Variants in FAM135B observed in about 807,000 individuals in gnomAD.
FAM135B encodes protein FAM135B.
A neutral mutation model predicts 127.7 loss-of-function variants in FAM135B; 43 were observed. The ratio of observed to expected loss-of-function variants is 0.34; its 90% CI spans 0.26 to 0.43. The LOEUF (loss-of-function observed/expected upper bound fraction) is 0.43, where lower values mean the gene tolerates loss of function less well. Ranked by LOEUF, FAM135B falls within the 20% of genes least tolerant of loss-of-function variation. The probability of loss-of-function intolerance (pLI) is 1.00; values close to 1 mark genes in which losing one functional copy is unlikely to be tolerated. For missense variants in FAM135B, 1,558 were observed against 1,725.6 expected, an observed-to-expected ratio of 0.90 and a Z score of 1.72; for synonymous variants, 670 against 665.1, an observed-to-expected ratio of 1.01 and a Z score of -0.11.
intron 3 of FAM135B, among the ~76,000 whole-genome samples, chr8:138,292,763 G>A (rs956060834): frequency 1.3e-5 from 2 of 151,984 alleles, no homozygotes; most frequent in African/African-American, 4.8e-5. Context: ...CTCATGTCAT[G>A]GATTGGAAAG....
At chr8:138,340,506 T>C (rs547009131) in intron 2 of FAM135B, among the ~76,000 whole-genome samples, 1 of 152,272 alleles carries the variant, frequency 6.6e-6, no homozygotes, top group South Asian at 2.1e-4. Flanking sequence ...GGAGAGAGGA[T>C]GATGGGTCCT....
intron 1 of FAM135B, among the ~76,000 whole-genome samples, chr8:138,467,377 G>C (rs1477145780): frequency 6.6e-6 from 1 of 152,082 alleles, no homozygotes; most frequent in African/African-American, 2.4e-5. Context: ...GCCACATGTG[G>C]TTACTTACAT....
chr8:138,383,521 T>C (rs1297527162), intron 1 of FAM135B, among the ~76,000 whole-genome samples: 1 of 152,144 alleles, frequency 6.6e-6, no homozygotes, highest in South Asian at 2.1e-4. Flanking sequence ...TATATAAAAA[T>C]GAGAATGGGA....
intron 12 of FAM135B, among the ~76,000 whole-genome samples, chr8:138,158,845 G>A (rs1452445550): frequency 2.6e-5 from 4 of 152,176 alleles, no homozygotes; most frequent in African/African-American, 7.2e-5. Context: ...CTGTTGGTAG[G>A]ACTGTAAACT....
Position 138,152,112 on chromosome 8 carries a change from G to T in FAM135B, c.2363C>A (p.Thr788Asn), listed in dbSNP as rs1405058055. ...SPEEAAEDAD[T>N]KQQDGGFAEP... ...AGCAAAACCTCCATCTTGCTGCTTG[G>T]TGTCCGCATCTTCAGCAGCCTCCTC... Residue 788 changes from threonine (T) to asparagine (N), a missense_variant, in exon 13 of 20, where the codon ACC becomes AAC. Transcript: ENST00000395297. 2.5e-6 allele frequency: 4 copies of T among 1,613,846 alleles called. No homozygotes were observed. In the South Asian group the frequency reaches 4.4e-5, roughly 18 times the overall value.
At chr8:138,394,210 C>G (rs1316626082) in intron 1 of FAM135B, among the ~76,000 whole-genome samples, 1 of 152,162 alleles carries the variant, frequency 6.6e-6, no homozygotes, top group Non-Finnish European at 1.5e-5. Flanking sequence ...TTTTCAAAAC[C>G]TCTGGAGTCC....
chr8:138,469,702 G>A (rs2131643383), intron 1 of FAM135B, among the ~76,000 whole-genome samples: 1 of 152,254 alleles, frequency 6.6e-6, no homozygotes, highest in Non-Finnish European at 1.5e-5. Flanking sequence ...AGATTAGAAA[G>A]AAGATACAAC....
chr8:138,151,744 A>G lies in FAM135B; in HGVS notation c.2731T>C (p.Leu911=), dbSNP rs2130741267. 1 of 1,614,180 alleles carries G rather than the reference A, an allele frequency of 6.2e-7. No homozygotes were observed. The highest frequency in any genetic ancestry group is 8.5e-7 in the Non-Finnish European group (1 of 1,180,040). Residue 911 remains leucine, a synonymous_variant, in exon 13 of 20, where the codon TTG becomes CTG. Transcript: ENST00000395297. ...GAAAGAGCTTGCTGACCCACATTCA[A>G]GTCTTTAGGCATGCCCTTTGGGGTT... ...EETPKGMPKD[L]NVGQQALSNS...
intron 3 of FAM135B, among the ~76,000 whole-genome samples, chr8:138,282,435 A>G (rs987230066): frequency 6.6e-6 from 1 of 152,236 alleles, no homozygotes; most frequent in Non-Finnish European, 1.5e-5. Context: ...CATATTTGAT[A>G]ATGGAATGTT....
chr8:138,463,210 A>G (rs1837222080), intron 1 of FAM135B, among the ~76,000 whole-genome samples: 1 of 152,220 alleles, frequency 6.6e-6, no homozygotes. Context: ...GAGAGATAGA[A>G]AAGAGATGGT....
At chr8:138,159,204 G>A (rs1177669049) in intron 12 of FAM135B, among the ~76,000 whole-genome samples, 11 of 140,280 alleles carry the variant, frequency 7.8e-5, no homozygotes, top group Non-Finnish European at 1.4e-4. Context: ...CCCGGGAAGC[G>A]GAGCTTGCAG....
intron 3 of FAM135B, among the ~76,000 whole-genome samples, chr8:138,280,753 G>GAGTT (rs1264638582): frequency 3.9e-5 from 6 of 152,278 alleles, no homozygotes; most frequent in African/African-American, 1.4e-4. Flanking sequence ...GGATCGATAG[G>GAGTT]AGTTACATCA....
At chr8:138,262,016 T>C (rs1822572767) in intron 4 of FAM135B, among the ~76,000 whole-genome samples, 1 of 152,222 alleles carries the variant, frequency 6.6e-6, no homozygotes, top group Non-Finnish European at 1.5e-5. Context: ...TATATAACAA[T>C]TAGCTGTGCC....
At chr8:138,195,895 C>T (rs150069120) in intron 8 of FAM135B, among the ~76,000 whole-genome samples, 1 of 152,278 alleles carries the variant, frequency 6.6e-6, no homozygotes, top group Non-Finnish European at 1.5e-5. Flanking sequence ...ATGCTGTGGT[C>T]AGTCATTTGC....
At chr8:138,428,682 A>G (rs1194378085) in intron 1 of FAM135B, among the ~76,000 whole-genome samples, 1 of 152,098 alleles carries the variant, frequency 6.6e-6, no homozygotes, top group Non-Finnish European at 1.5e-5. Context: ...CCACCACAAA[A>G]GCTACCTCCT....
chr8:138,139,025 A>T lies in FAM135B; in HGVS notation c.3862T>A (p.Leu1288Met), dbSNP rs374737174. Residue 1288 changes from leucine (L) to methionine (M), a missense_variant, in exon 18 of 20, where the codon TTG becomes ATG. Transcript: ENST00000395297. ...LQLTFRDNADLRKCFLYQLSQ... is the reference protein window; with the variant it reads ...LQLTFRDNADMRKCFLYQLSQ... The stretch of plus-strand genomic sequence containing the variant: ...AGTTGGTAGAGGAAACATTTGCGCA[A>T]ATCAGCATTATCCCTGAAGGTCAGC... 29 of 1,613,886 alleles carry T rather than the reference A, an allele frequency of 1.8e-5. No homozygotes were observed. The highest frequency in any genetic ancestry group is 2.5e-5 in the Non-Finnish European group (29 of 1,179,878).
chr8:138,449,579 G>C (rs1307456414), intron 1 of FAM135B, among the ~76,000 whole-genome samples: 1 of 152,156 alleles, frequency 6.6e-6, no homozygotes, highest in African/African-American at 2.4e-5. Context: ...ACCAACTTCA[G>C]GATTCAAACT....
At chr8:138,394,651 G>T (rs771036609) in intron 1 of FAM135B, among the ~76,000 whole-genome samples, 3 of 152,124 alleles carry the variant, frequency 2.0e-5, no homozygotes, top group African/African-American at 4.8e-5. Flanking sequence ...TCATATATGT[G>T]TGGAGTCTCT....
chr8:138,468,036 T>A (rs923976223), intron 1 of FAM135B, among the ~76,000 whole-genome samples: 2 of 152,164 alleles, frequency 1.3e-5, no homozygotes, highest in African/African-American at 4.8e-5. Context: ...AAATAGGCAT[T>A]CATGCGCTGA....
Sources: gnomAD v4.1 joint callset for allele counts (sites outside exome capture counted in the v4.1 genomes callset) on GRCh38, gnomAD v4.1.1 for gene constraint, MANE v1.5 for transcripts, NCBI Gene and HGNC (gene_info 2026-07-23, HGNC 2026-07-21) for gene names.